Variants in KLRG1 observed in about 807,000 individuals in gnomAD.
KLRG1 encodes the protein killer cell lectin-like receptor subfamily G member 1.
In KLRG1, 16 loss-of-function variants were observed where a neutral mutation model predicts 21.8. The ratio of observed to expected loss-of-function variants is 0.73; its 90% CI spans 0.50 to 1.11. The LOEUF is 1.11. Ranked by LOEUF, KLRG1 falls within the 50% of genes most tolerant of loss-of-function variation. The probability of loss-of-function intolerance (pLI) is 0.00; values close to 1 mark genes in which losing one functional copy is unlikely to be tolerated. For synonymous variants in KLRG1, 69 were observed against 75.9 expected, an observed-to-expected ratio of 0.91 and a Z score of 0.47; for missense variants, 173 against 218.3, an observed-to-expected ratio of 0.79 and a Z score of 1.31.
the KLRG1 span, chr12:9,157,737 G>C: frequency 6.3e-7 from 1 of 1,585,192 alleles, no homozygotes; most frequent in African/African-American, 1.3e-5. Context: ...CAGTTTTCAT[G>C]GTAGGGAATG....
intron 1 of KLRG1, among the ~76,000 whole-genome samples, chr12:8,965,025 G>C (rs1202207096): frequency 2.0e-5 from 3 of 152,112 alleles, no homozygotes; most frequent in Admixed American, 2.0e-4. Flanking sequence ...TGCAAGGCTG[G>C]TTCAACATAC....
chr12:9,157,165 GT>G, the KLRG1 span: 1 of 1,610,106 alleles, frequency 6.2e-7, no homozygotes, highest in Non-Finnish European at 8.5e-7. Context: ...CCACTTATAA[GT>G]GCTCTCACCT....
the KLRG1 span, chr12:9,099,401 C>T: frequency 1.9e-6 from 3 of 1,561,648 alleles, no homozygotes; most frequent in African/African-American, 1.4e-5. Context: ...AGACAATTTT[C>T]AACATCATAT....
chr12:9,158,617 G>T, the KLRG1 span: 1 of 1,602,662 alleles, frequency 6.2e-7, no homozygotes. Flanking sequence ...TCTTTTCATT[G>T]AGCACTTTAC....
chr12:9,195,124 T>A, the KLRG1 span, among the ~76,000 whole-genome samples: 2 of 152,166 alleles, frequency 1.3e-5, no homozygotes, highest in African/African-American at 2.4e-5. Context: ...GACAAATATT[T>A]AAGGTGATGA....
At chr12:9,021,744 G>A in the KLRG1 span, among the ~76,000 whole-genome samples, 14 of 151,352 alleles carry the variant, frequency 9.2e-5, no homozygotes, top group African/African-American at 1.7e-4. Flanking sequence ...CATTAGCCTC[G>A]GGCTACACAG....
the KLRG1 span, chr12:9,157,394 A>G: frequency 1.1e-5 from 17 of 1,582,020 alleles, no homozygotes; most frequent in Non-Finnish European, 1.4e-5. Flanking sequence ...ACTAGGGTGA[A>G]TAGAGGGCAG....
chr12:8,989,892 C>T (rs1434374180), intron 1 of KLRG1, among the ~76,000 whole-genome samples, 175 bp downstream of exon 1: 2 of 152,218 alleles, frequency 1.3e-5, no homozygotes, highest in Non-Finnish European at 2.9e-5. Context: ...GTGTATGGTA[C>T]AGGATCTGAT....
chr12:9,086,972 T>C, the KLRG1 span, among the ~76,000 whole-genome samples: 2 of 152,186 alleles, frequency 1.3e-5, no homozygotes, highest in Non-Finnish European at 2.9e-5. Context: ...TAAAAATCAG[T>C]AGTATTTTCT....
At chr12:9,058,503 A>G in the KLRG1 span, 1 of 152,100 alleles carries the variant, frequency 6.6e-6, no homozygotes, top group Non-Finnish European at 1.5e-5. Context: ...TCATATGCTC[A>G]TTGTAATATA....
the KLRG1 span, chr12:9,201,224 A>T: frequency 5.1e-5 from 68 of 1,337,912 alleles, no homozygotes; most frequent in Middle Eastern, 1.9e-4. Flanking sequence ...AGGAATTCAG[A>T]TCTGAAAATT....
At position 9,010,126 on chromosome 12, in the gene KLRG1, C is replaced by A; in HGVS notation, c.*589C>A. 1 of 878,044 alleles carries A rather than the reference C, an allele frequency of 1.1e-6. No homozygotes were observed. The highest frequency in any genetic ancestry group is 1.8e-6 in the Non-Finnish European group (1 of 559,598). 54.4% of individuals were successfully genotyped at this position (878,044 alleles called of 1,614,324 possible). A position where few individuals can be genotyped will look rare whatever the true frequency, so the allele number is the denominator to read the frequency against. Reference sequence around the variant, plus strand: ...GCTTGAGCCCAGGAGTTTGAGGCTGCAGTGAGCTATGATTGTGCCACTGTA... The same window carrying A: ...GCTTGAGCCCAGGAGTTTGAGGCTGAAGTGAGCTATGATTGTGCCACTGTA... On this transcript the variant is annotated 3_prime_UTR_variant, in exon 5 of 5. Coordinates refer to ENST00000356986, the MANE Select transcript of KLRG1 (RefSeq NM_005810.4).
chr12:9,134,875 T>C, the KLRG1 span, among the ~76,000 whole-genome samples: 1 of 152,156 alleles, frequency 6.6e-6, no homozygotes, highest in South Asian at 2.1e-4. Flanking sequence ...GCTCCTCTCT[T>C]CCTCTCTTCT....
At chr12:9,023,724 T>TA in the KLRG1 span, among the ~76,000 whole-genome samples, 1 of 151,532 alleles carries the variant, frequency 6.6e-6, no homozygotes, top group Non-Finnish European at 1.5e-5. Context: ...CCTGGCCAAT[T>TA]AAAAAAAATT....
At chr12:9,206,824 G>A in the KLRG1 span, among the ~76,000 whole-genome samples, 261 of 152,228 alleles carry the variant, frequency 1.7e-3, 2 homozygotes, top group Non-Finnish European at 1.5e-3. Flanking sequence ...TGGCAGCATG[G>A]TCCAATGTAG....
chr12:9,210,983 T>A, the KLRG1 span, among the ~76,000 whole-genome samples: 3 of 152,172 alleles, frequency 2.0e-5, no homozygotes, highest in Non-Finnish European at 4.4e-5. Context: ...TTGAGACAGG[T>A]AAATCCTCTT....
the KLRG1 span, among the ~76,000 whole-genome samples, chr12:9,206,892 C>T: frequency 6.6e-6 from 1 of 152,314 alleles, no homozygotes; most frequent in South Asian, 2.1e-4. Flanking sequence ...ATACACGCTA[C>T]TCGCTTTATC....
At chr12:9,157,085 G>A in the KLRG1 span, 49 of 1,272,828 alleles carry the variant, frequency 3.8e-5, no homozygotes, top group South Asian at 1.4e-4. Context: ...CTCCCTCTCC[G>A]CACCTCCCAG....
the KLRG1 span, among the ~76,000 whole-genome samples, chr12:9,204,305 G>C: frequency 6.6e-6 from 1 of 151,872 alleles, no homozygotes; most frequent in South Asian, 2.1e-4. Context: ...AAAAGTGCAC[G>C]CACACAAACA....
Sources: allele counts gnomAD v4.1 joint callset (sites outside exome capture counted in the v4.1 genomes callset), GRCh38; gene constraint gnomAD v4.1.1; transcripts MANE v1.5; gene names NCBI Gene and HGNC (gene_info 2026-07-23, HGNC 2026-07-21).